The following NOX3 variants were observed in gnomAD, a reference collection of about 807,000 sequenced individuals.
NOX3 encodes the protein NADPH oxidase 3, also known as NADPH oxidase catalytic subunit-like 3.
A neutral mutation model predicts 76.7 loss-of-function variants in NOX3; 74 were observed. The ratio of observed to expected loss-of-function variants is 0.96; its 90% confidence interval spans 0.80 to 1.17. The LOEUF is 1.17. NOX3 is among the 50% of genes most tolerant of loss of function. The pLI, the probability that NOX3 is intolerant of heterozygous loss-of-function variation, is 0.00. For missense variants in NOX3, 695 were observed against 703.3 expected (o/e 0.99, Z 0.13); for synonymous variants, 263 against 261.1 (o/e 1.01, Z -0.07).
rs1214583462 is a variant in NOX3 at position 155,396,843 on chromosome 6, C to A, written c.1700G>T (p.Ser567Ile). ...RGVHFYYNKE[S>I]F ...GGACTTGACCTCCAAAGTCTAGAAG[C>A]TCTCCTTGTTGTAATAGAAATGAAC... Residue 567 changes from serine (S) to isoleucine (I), a missense_variant, in exon 13 of 14, where the codon AGC becomes ATC. Physicochemically the swap from Ser to Ile is moderately radical, Grantham distance 142 (BLOSUM62 -2). Coordinates refer to ENST00000159060, the MANE Select transcript of NOX3 (RefSeq NM_015718.3). The A allele has an allele frequency of 5.0e-6, 8 of 1,609,274 alleles. No individual in the cohort carries two copies. Among genetic ancestry groups the A allele is most frequent in the Non-Finnish European group, 6.8e-6 (8 of 1,177,266 alleles).
At chr6:155,406,462 ATAG>A (rs1473214512) in intron 12 of NOX3, among the ~76,000 whole-genome samples, 33 of 152,276 alleles carry the variant, frequency 2.2e-4, no homozygotes, top group African/African-American at 7.2e-4. Context: ...GATAATAATA[ATAG>A]TAATAATGGA....
Position 155,455,628 on chromosome 6 carries a change from AC to A in NOX3, c.48+124del, listed in dbSNP as rs2114713589. ...AAATACATCTACTGAATGTTTTCTA[AC>A]AAGTTTTAGTCTTTTAACTAGAGTA... On this transcript the variant is annotated intron_variant, in intron 1 of 13. Transcript: ENST00000159060. 3 of 646,214 alleles carry A rather than the reference AC, an allele frequency of 4.6e-6. No individual in the cohort carries two copies. The East Asian group carries it at 8.4e-5, about 18-fold the overall frequency. The allele number at this position is 646,214 out of a possible 1,614,324, so 40.0% of individuals were successfully genotyped here.
rs1776797313 is a variant in NOX3, at chr6:155,429,025, A to G, written c.914T>C (p.Val305Ala). 6.2e-7 allele frequency: 1 copy of G among 1,602,942 alleles called. No homozygotes were observed. Among genetic ancestry groups the G allele is most frequent in the African/African-American group, 1.3e-5 (1 of 74,710 alleles). ...ACGCTTTTTCATGTGAAGTTCCAGGACTCCAGAGGGGTGGCTTACCACCTA... is the reference window on the plus strand; with the variant it reads ...ACGCTTTTTCATGTGAAGTTCCAGGGCTCCAGAGGGGTGGCTTACCACCTA... Reference protein sequence around the residue: ...ITKVVSHPSGVLELHMKKRGF... With the variant: ...ITKVVSHPSGALELHMKKRGF... Residue 305 changes from valine (V) to alanine (A), a missense_variant, in exon 9 of 14, where the codon GTC (valine) becomes GCC (alanine). Transcript: ENST00000159060.
rs1779126117 is a variant in NOX3 at position 155,395,492 on chromosome 6, G to A, written c.*110C>T. ...CACAATAGTTAATTATTATTCACCA[G>A]TTCCCAACTGGGAGCTCATATCAAC... is the stretch of plus-strand genomic sequence containing the variant. On this transcript the variant is annotated 3_prime_UTR_variant, in exon 14 of 14. Coordinates refer to ENST00000159060, the MANE Select transcript of NOX3 (RefSeq NM_015718.3). 1 of 152,130 alleles carries A rather than the reference G, an allele frequency of 6.6e-6. No homozygotes were observed. The highest frequency in any genetic ancestry group is 1.5e-5 in the Non-Finnish European group (1 of 68,010). The allele number at this position is 152,130 out of a possible 1,614,324, so 9.4% of individuals were successfully genotyped here.
chr6:155,419,653 T>C (rs914348535), intron 10 of NOX3, among the ~76,000 whole-genome samples: 3 of 152,176 alleles, frequency 2.0e-5, no homozygotes, highest in Non-Finnish European at 4.4e-5. Context: ...GAGATCAATG[T>C]CCCTATTTTA....
intron 13 of NOX3, among the ~76,000 whole-genome samples, chr6:155,395,876 G>A (rs772303373): frequency 6.6e-6 from 1 of 152,056 alleles, no homozygotes; most frequent in African/African-American, 2.4e-5. Flanking sequence ...AGACCAAAAT[G>A]TGGTAGAATA....
At chr6:155,420,668 A>G (rs1343450339) in intron 10 of NOX3, among the ~76,000 whole-genome samples, 1 of 152,132 alleles carries the variant, frequency 6.6e-6, no homozygotes, top group South Asian at 2.1e-4. Flanking sequence ...TGTCATTTCT[A>G]TTAGCTTTGT....
Position 155,439,968 on chromosome 6 carries a change from A to T in NOX3, c.656T>A (p.Ile219Asn), listed in dbSNP as rs1244175779. 1 of 1,613,762 alleles carries T rather than the reference A, an allele frequency of 6.2e-7. No homozygotes were observed. Among genetic ancestry groups the T allele is most frequent in the Non-Finnish European group, 8.5e-7 (1 of 1,179,888 alleles). ...VFIVFFLSLA[I>N]HGTGRIVRGQ... ...AGTATGGACTTACCCCGTCCCATGG[A>T]TGGCCAGGCTGAGAAAGAAGACGAT... The change falls in exon 6 of 14, where the codon ATC becomes AAC. Residue 219 changes from isoleucine to asparagine, a missense_variant. Ile to Asn is a moderately radical substitution (Grantham distance 149). Transcript: ENST00000159060.
rs528113851 is a variant in NOX3 at position 155,396,480 on chromosome 6, A to C, written c.*27+329T>G. Among the ~76,000 whole-genome samples, 8 of 152,354 alleles carry C rather than the reference A, an allele frequency of 5.3e-5. No homozygotes were observed. In the South Asian group the frequency reaches 1.4e-3, roughly 28 times the overall value. On this transcript the variant is annotated intron_variant, in intron 13 of 13. Coordinates refer to ENST00000159060, the MANE Select transcript of NOX3 (RefSeq NM_015718.3). ...AAGACAGCCTATGCCAGGGGTCAGC[A>C]AGCTCCAGCCCACAGGCCAAATCCA... is the stretch of plus-strand genomic sequence containing the variant.
intron 5 of NOX3, among the ~76,000 whole-genome samples, chr6:155,441,325 G>A (rs938824921): frequency 6.6e-6 from 1 of 152,162 alleles, no homozygotes. Flanking sequence ...ATAGAGCAAA[G>A]AGTGGAAATA....
At chr6:155,434,491 G>A (rs1249026690) in intron 7 of NOX3, among the ~76,000 whole-genome samples, 1 of 152,186 alleles carries the variant, frequency 6.6e-6, no homozygotes, top group Non-Finnish European at 1.5e-5. Flanking sequence ...GCGTCCCTGG[G>A]AAGGATGGGG....
At chr6:155,443,064 C>T (rs951487786) in intron 5 of NOX3, among the ~76,000 whole-genome samples, 2 of 152,052 alleles carry the variant, frequency 1.3e-5, no homozygotes, top group African/African-American at 2.4e-5. Context: ...AATTAGGTGA[C>T]ATATCTTTTT....
intron 12 of NOX3, among the ~76,000 whole-genome samples, chr6:155,402,142 A>G (rs1779238990): frequency 6.6e-6 from 1 of 152,236 alleles, no homozygotes; most frequent in African/African-American, 2.4e-5. Context: ...ACGTATTGAC[A>G]ATGTTTACAA....
intron 7 of NOX3, 24 bp from the exon 8 acceptor site, chr6:155,430,959 G>C: frequency 7.3e-7 from 1 of 1,371,078 alleles, no homozygotes; most frequent in Non-Finnish European, 1.0e-6. Flanking sequence ...CAGAGAGAGA[G>C]AGAAAAAGGA....
chr6:155,412,296 C>CT (rs1776561661), intron 10 of NOX3, among the ~76,000 whole-genome samples: 1 of 152,128 alleles, frequency 6.6e-6, no homozygotes, highest in Non-Finnish European at 1.5e-5. Flanking sequence ...TTCTCTCCCT[C>CT]TCTGCCGGCC....
intron 7 of NOX3, among the ~76,000 whole-genome samples, chr6:155,432,073 G>T (rs1776841895): frequency 1.3e-5 from 2 of 151,544 alleles, no homozygotes; most frequent in African/African-American, 4.9e-5. Flanking sequence ...AATTTTTATT[G>T]TTTTCAATAG....
At chr6:155,403,022 A>C (rs925158317) in intron 12 of NOX3, among the ~76,000 whole-genome samples, 1 of 152,230 alleles carries the variant, frequency 6.6e-6, no homozygotes, top group Non-Finnish European at 1.5e-5. Flanking sequence ...CATACTGTTT[A>C]TCTCTTTAAT....
intron 9 of NOX3, 46 bp downstream of exon 9, chr6:155,428,748 C>A: frequency 6.9e-7 from 1 of 1,449,572 alleles, no homozygotes; most frequent in Non-Finnish European, 9.1e-7. Flanking sequence ...AGATACCTTA[C>A]TTTTTATAAT....
At chr6:155,423,096 C>T (rs1049908779) in intron 9 of NOX3, among the ~76,000 whole-genome samples, 1 of 152,196 alleles carries the variant, frequency 6.6e-6, no homozygotes, top group African/African-American at 2.4e-5. Context: ...AGGACAAAGC[C>T]TGACATCTCT....
Sources: gnomAD v4.1 joint callset for allele counts (sites outside exome capture counted in the v4.1 genomes callset) on GRCh38, gnomAD v4.1.1 for gene constraint, MANE v1.5 for transcripts, NCBI Gene and HGNC (gene_info 2026-07-23, HGNC 2026-07-21) for gene names.